COL15A1: variants seen among roughly 807,000 people sequenced by gnomAD.
COL15A1 encodes collagen type XV alpha 1 chain.
Under a neutral mutation model 165.9 loss-of-function variants are expected in COL15A1, and 111 were observed. The observed-to-expected ratio is 0.67, with a 90% CI of 0.57 to 0.78. The LOEUF (loss-of-function observed/expected upper bound fraction) is 0.78, where lower values mean the gene tolerates loss of function less well. Ranked by LOEUF, COL15A1 falls within the 30% of genes least tolerant of loss-of-function variation. COL15A1 has a pLI of 0.00. For synonymous variants in COL15A1, 659 were observed against 674.8 expected, an observed-to-expected ratio of 0.98 and a Z score of 0.36; for missense variants, 1,745 against 1,789.7, an observed-to-expected ratio of 0.98 and a Z score of 0.45.
chr9:98,995,545 A>T (rs1265485038), intron 5 of COL15A1, among the ~76,000 whole-genome samples: 2 of 151,944 alleles, frequency 1.3e-5, no homozygotes, highest in East Asian at 3.9e-4. Flanking sequence ...GCTCTGTTCC[A>T]CTGCTTCCCT....
chr9:98,966,954 G>A (rs371134565), intron 2 of COL15A1, among the ~76,000 whole-genome samples: 2 of 152,244 alleles, frequency 1.3e-5, no homozygotes, highest in Admixed American at 6.5e-5. Context: ...ATACAATCAC[G>A]CTAGTCTAGA....
intron 26 of COL15A1, 87 bp from the exon 27 acceptor site, chr9:99,047,699 C>T: frequency 2.9e-6 from 4 of 1,385,876 alleles, no homozygotes; most frequent in Non-Finnish European, 1.0e-6. Flanking sequence ...ATCGTCACCA[C>T]TGCCTGCAAA....
chr9:98,973,335 G>A (rs1260425756), intron 2 of COL15A1, among the ~76,000 whole-genome samples: 2 of 152,114 alleles, frequency 1.3e-5, no homozygotes, highest in Admixed American at 6.5e-5. Context: ...TATGAAAACC[G>A]GAAAAGAGAA....
In COL15A1 at chr9:99,070,349, A is replaced by G. The variant is rs1404528673; in HGVS notation, c.*463A>G. ...TCTTTCACGTACATCCATCATTTGC[A>G]ACTGCTGTTCGTACACAGAAACAGG... On this transcript the variant is annotated 3_prime_UTR_variant, in exon 42 of 42. Transcript: ENST00000375001. 4.2e-6 allele frequency: 1 copy of G among 236,590 alleles called. No individual in the cohort carries two copies. Among genetic ancestry groups the G allele is most frequent in the African/African-American group, 2.3e-5 (1 of 42,586 alleles). 14.7% of individuals were successfully genotyped at this position (236,590 alleles called of 1,614,324 possible). A position where few individuals can be genotyped will look rare whatever the true frequency, so the allele number is the denominator to read the frequency against.
chr9:98,985,813 G>T lies in COL15A1; in HGVS notation c.349G>T (p.Val117Phe), dbSNP rs756750402. 6.2e-7 allele frequency: 1 copy of T among 1,613,992 alleles called. No individual in the cohort carries two copies. Among genetic ancestry groups the T allele is most frequent in the East Asian group, 2.2e-5 (1 of 44,882 alleles). Residue 117 changes from valine to phenylalanine, a missense_variant, in exon 3 of 42, where the codon GTC becomes TTC. Transcript: ENST00000375001. The part of the protein sequence containing the change: ...LFAITDAFQK[V>F]IYLGLRLSGV... ...CGCCATCACTGACGCCTTCCAGAAG[G>T]TCATCTACCTGGGCCTGCGGCTCTC...
intron 2 of COL15A1, among the ~76,000 whole-genome samples, chr9:98,976,134 C>T (rs1838139069): frequency 6.6e-6 from 1 of 152,096 alleles, no homozygotes; most frequent in Admixed American, 6.5e-5. Context: ...AGGCTTAGCT[C>T]CATGTCTCCA....
At chr9:99,025,865 C>T (rs568224444) in intron 15 of COL15A1, 39 bp from the exon 16 acceptor site, 2 of 1,601,062 alleles carry the variant, frequency 1.2e-6, no homozygotes, top group Admixed American at 1.7e-5. Context: ...TGATATTTAG[C>T]AGAAATGTTG....
At chr9:98,962,921 G>A (rs1837886120) in intron 2 of COL15A1, among the ~76,000 whole-genome samples, 1 of 152,214 alleles carries the variant, frequency 6.6e-6, no homozygotes, top group South Asian at 2.1e-4. Context: ...AGTGCCTGCT[G>A]TACAGCAGGT....
rs1337723640 is a variant in COL15A1 at position 98,944,000 on chromosome 9, G to A, written c.-62G>A. 3 of 1,607,222 alleles carry A rather than the reference G, an allele frequency of 1.9e-6. No homozygotes were observed. Among genetic ancestry groups the A allele is most frequent in the African/African-American group, 1.3e-5 (1 of 74,806 alleles). On this transcript the variant is annotated 5_prime_UTR_variant, in exon 1 of 42. Coordinates refer to ENST00000375001, the MANE Select transcript of COL15A1 (RefSeq NM_001855.5). The stretch of plus-strand genomic sequence containing the variant: ...AGCGCTCAGCGACCCTTCGTCCTCC[G>A]CTAAGCTCCAACGCTCTGCTCGACT...
intron 2 of COL15A1, among the ~76,000 whole-genome samples, chr9:98,948,129 C>T (rs1837613451): frequency 6.6e-6 from 1 of 152,136 alleles, no homozygotes; most frequent in African/African-American, 2.4e-5. Context: ...GGCCCTCATG[C>T]TGGCTGGGTA....
At chr9:99,005,307 T>A (rs1379720617) in intron 9 of COL15A1, among the ~76,000 whole-genome samples, 1 of 152,088 alleles carries the variant, frequency 6.6e-6, no homozygotes, top group Non-Finnish European at 1.5e-5. Flanking sequence ...TGCAGGACCC[T>A]GCTGCCTCCA....
At chr9:99,064,692 A>G (rs1825867369) in intron 39 of COL15A1, among the ~76,000 whole-genome samples, 1 of 152,228 alleles carries the variant, frequency 6.6e-6, no homozygotes, top group Admixed American at 6.5e-5. Context: ...CAACAGTGTC[A>G]AAGGCTGCCA....
intron 17 of COL15A1, 37 bp downstream of exon 17, chr9:99,034,621 T>TATTATCC: frequency 1.5e-6 from 2 of 1,329,774 alleles, no homozygotes; most frequent in Non-Finnish European, 9.6e-7. Context: ...AAAAGAACTT[T>TATTATCC]CTTCTCCCTC....
rs775196589 is a variant in COL15A1, at chr9:99,038,760, GTGGCTTTT to G, written c.2475+28_2475+35del. ...TTGGTATCTACAGCTGCCCCAGAAT[GTGGCTTTT>G]ACCCAGACGCCCCTGTTGAAACAAA... is the stretch of plus-strand genomic sequence containing the variant. On this transcript the variant is annotated intron_variant, in intron 22 of 41. Coordinates refer to ENST00000375001, the MANE Select transcript of COL15A1 (RefSeq NM_001855.5). The G allele has an allele frequency of 3.3e-6, 5 of 1,503,848 alleles. No individual in the cohort carries two copies. The South Asian group carries it at 3.4e-5, about 10-fold the overall frequency. 93.2% of individuals were successfully genotyped at this position (1,503,848 alleles called of 1,614,324 possible). A position where few individuals can be genotyped will look rare whatever the true frequency, so the allele number is the denominator to read the frequency against.
chr9:98,989,143 C>G (rs1838371672), intron 4 of COL15A1, 35 bp from the exon 5 acceptor site: 1 of 1,574,082 alleles, frequency 6.4e-7, no homozygotes, highest in Non-Finnish European at 8.7e-7. Flanking sequence ...CCTGCCCGCT[C>G]TGCCCGGTGT....
In COL15A1 at chr9:99,049,738, G is replaced by A. The variant is rs760050064; in HGVS notation, c.2842G>A (p.Ala948Thr). The change falls in exon 29 of 42, where the codon GCT becomes ACT. Residue 948 changes from alanine to threonine, a missense_variant. Physicochemically the swap from Ala to Thr is moderately conservative, Grantham distance 58 (BLOSUM62 0). Transcript: ENST00000375001. The part of the protein sequence containing the change: ...GPPGPPGPPG[A>T]VINIKGAIFP... ...TCCAGGCCCCCCTGGGCCACCTGGA[G>A]CTGTGATTAACATCAAAGGAGTAAG... 3 of 1,614,204 alleles carry A rather than the reference G, an allele frequency of 1.9e-6. No individual in the cohort carries two copies. In the South Asian group the frequency reaches 3.3e-5, roughly 18 times the overall value.
chr9:99,002,308 T>G (rs1446981724), intron 7 of COL15A1, among the ~76,000 whole-genome samples: 1 of 151,940 alleles, frequency 6.6e-6, no homozygotes, highest in Non-Finnish European at 1.5e-5. Context: ...CTTTCACCTT[T>G]TGTCTCCCTG....
At chr9:98,989,101 G>C in intron 4 of COL15A1, 77 bp from the exon 5 acceptor site, 2 of 1,121,892 alleles carry the variant, frequency 1.8e-6, no homozygotes, top group Non-Finnish European at 2.7e-6. Flanking sequence ...GTCAGTTTCT[G>C]TAACTTTCCC....
chr9:99,044,751 A>G lies in COL15A1; in HGVS notation c.2660A>G (p.His887Arg), dbSNP rs1325534363. Residue 887 changes from histidine to arginine, a missense_variant, in exon 26 of 42, where the codon CAT becomes CGT. Transcript: ENST00000375001. ...CTGTTTTAGGGTGAACCTGGAATGC[A>G]TGGAGCCCCAGGACCAATGGTAAGT... Reference protein sequence around the residue: ...LMGKKGEPGMHGAPGPMGPKG... With the variant: ...LMGKKGEPGMRGAPGPMGPKG... 1 of 1,614,010 alleles carries G rather than the reference A, an allele frequency of 6.2e-7. No homozygotes were observed. The highest frequency in any genetic ancestry group is 8.5e-7 in the Non-Finnish European group (1 of 1,179,852).
Sources: allele counts gnomAD v4.1 joint callset (sites outside exome capture counted in the v4.1 genomes callset), GRCh38; gene constraint gnomAD v4.1.1; transcripts MANE v1.5; gene names NCBI Gene and HGNC (gene_info 2026-07-23, HGNC 2026-07-21).